Variants in CAST observed in about 807,000 individuals in gnomAD.
The protein encoded by CAST is calpastatin, also known as MIR583 host.
A neutral mutation model predicts 119.6 loss-of-function variants in CAST; 76 were observed. That is an observed-to-expected ratio of 0.64 (90% CI 0.53 to 0.77). The LOEUF is 0.77. CAST is among the 30% of genes least tolerant of loss of function. CAST has a pLI of 0.00. For synonymous variants in CAST, 319 were observed against 331.6 expected, an observed-to-expected ratio of 0.96 and a Z score of 0.41; for missense variants, 953 against 946.5, an observed-to-expected ratio of 1.01 and a Z score of -0.09.
chr5:96,615,869 A>G (rs1293150497), intron 1 of CAST, among the ~76,000 whole-genome samples: 1 of 152,154 alleles, frequency 6.6e-6, no homozygotes, highest in East Asian at 1.9e-4. Context: ...ATTAACTCAC[A>G]TGGTCACAAG....
chr5:96,213,637 A>T, the CAST span: 18 of 152,098 alleles, frequency 1.2e-4, no homozygotes, highest in African/African-American at 4.3e-4. Context: ...AATTATATAC[A>T]TATATAAGCT....
rs541216796 is a variant in CAST, at chr5:96,748,825, G to A, written c.1428+212G>A. On this transcript the variant is annotated intron_variant, in intron 19 of 31. Transcript: ENST00000675179. ...ATTGAAGTCCTGCAATGACTCCTTC[G>A]GAAAGCTCTGGAACCCATGCCTTCC... is the stretch of plus-strand genomic sequence containing the variant. 3.5e-5 allele frequency: 15 copies of A among 432,078 alleles called. 1 individual carries two copies. The highest frequency in any genetic ancestry group is 1.6e-4 in the East Asian group (4 of 24,304). 26.8% of individuals were successfully genotyped at this position (432,078 alleles called of 1,614,324 possible). A position where few individuals can be genotyped will look rare whatever the true frequency, so the allele number is the denominator to read the frequency against.
chr5:96,130,467 G>A, the CAST span, among the ~76,000 whole-genome samples: 1 of 149,652 alleles, frequency 6.7e-6, no homozygotes. Context: ...AAAAACCTAA[G>A]GATATTATCT....
At chr5:96,416,011 T>C in the CAST span, 4 of 1,473,092 alleles carry the variant, frequency 2.7e-6, no homozygotes, top group South Asian at 1.1e-5. Context: ...TGCCAAGCTA[T>C]AGGGACAATC....
chr5:96,272,553 A>C, the CAST span, among the ~76,000 whole-genome samples: 4 of 152,174 alleles, frequency 2.6e-5, no homozygotes, highest in African/African-American at 7.2e-5. Flanking sequence ...AAAAAAGTGG[A>C]TCTCATGAAG....
chr5:96,631,428 A>G (rs1028851672), intron 1 of CAST, among the ~76,000 whole-genome samples: 2 of 140,994 alleles, frequency 1.4e-5, no homozygotes, highest in Non-Finnish European at 3.2e-5. Flanking sequence ...TGTAGCATGT[A>G]TCAGTACTTT....
chr5:96,292,613 A>T, the CAST span, among the ~76,000 whole-genome samples: 1 of 152,216 alleles, frequency 6.6e-6, no homozygotes, highest in Non-Finnish European at 1.5e-5. Context: ...CAAGGTGATT[A>T]TGTTGATTTT....
intron 29 of CAST, 113 bp downstream of exon 29, chr5:96,768,112 CT>C: frequency 1.3e-6 from 1 of 761,486 alleles, no homozygotes; most frequent in Non-Finnish European, 2.3e-6. Flanking sequence ...GTAACAGGGT[CT>C]TACTCTATAG....
the CAST span, among the ~76,000 whole-genome samples, chr5:96,174,380 G>C: frequency 6.6e-6 from 1 of 152,196 alleles, no homozygotes; most frequent in African/African-American, 2.4e-5. Flanking sequence ...ACAGATATTT[G>C]TTGAGTAGCT....
At chr5:96,202,135 A>G in the CAST span, among the ~76,000 whole-genome samples, 1 of 152,158 alleles carries the variant, frequency 6.6e-6, no homozygotes, top group East Asian at 1.9e-4. Context: ...AATACAACCA[A>G]TGATATCAGG....
At chr5:96,211,346 G>T in the CAST span, among the ~76,000 whole-genome samples, 1 of 151,856 alleles carries the variant, frequency 6.6e-6, no homozygotes, top group Non-Finnish European at 1.5e-5. Context: ...AGAGCTTTTG[G>T]TATGAATTAG....
At chr5:96,430,413 G>A in the CAST span, among the ~76,000 whole-genome samples, 7 of 152,162 alleles carry the variant, frequency 4.6e-5, no homozygotes, top group Non-Finnish European at 1.0e-4. Flanking sequence ...AAATAGAGAA[G>A]CTTAGGCCCT....
chr5:96,565,422 AAGT>A (rs1478411469), intron 1 of CAST, among the ~76,000 whole-genome samples: 2 of 152,204 alleles, frequency 1.3e-5, no homozygotes, highest in Non-Finnish European at 2.9e-5. Flanking sequence ...AAGATAAAAC[AAGT>A]AGTACATCAC....
the CAST span, among the ~76,000 whole-genome samples, chr5:95,981,539 C>G: frequency 6.6e-6 from 1 of 152,134 alleles, no homozygotes; most frequent in South Asian, 2.1e-4. Flanking sequence ...TTCCAAGTTC[C>G]CAACTGATGC....
At chr5:96,457,465 T>C in the CAST span, among the ~76,000 whole-genome samples, 16 of 152,156 alleles carry the variant, frequency 1.1e-4, no homozygotes, top group Non-Finnish European at 1.6e-4. Flanking sequence ...GCTCTTAGAT[T>C]GACTAACGAG....
chr5:96,159,478 A>G, the CAST span, among the ~76,000 whole-genome samples: 2 of 152,230 alleles, frequency 1.3e-5, no homozygotes, highest in African/African-American at 4.8e-5. Flanking sequence ...ACGATGTACA[A>G]AGAAAAAGCT....
At chr5:96,665,333 T>G (rs556011009) in intron 1 of CAST, among the ~76,000 whole-genome samples, 25 of 152,356 alleles carry the variant, frequency 1.6e-4, no homozygotes, top group Admixed American at 7.2e-4. Context: ...ATATTATTAT[T>G]TCATCATGTA....
intron 1 of CAST, among the ~76,000 whole-genome samples, chr5:96,631,956 C>A (rs1747825281): frequency 6.6e-6 from 1 of 152,116 alleles, no homozygotes; most frequent in Non-Finnish European, 1.5e-5. Context: ...ATTTTACAGT[C>A]CTACCTGCAA....
At chr5:96,493,547 T>C in the CAST span, among the ~76,000 whole-genome samples, 1 of 152,184 alleles carries the variant, frequency 6.6e-6, no homozygotes, top group African/African-American at 2.4e-5. Context: ...AACCAGTATG[T>C]ATCCCCACCA....
Sources: gnomAD v4.1 joint callset for allele counts (sites outside exome capture counted in the v4.1 genomes callset) on GRCh38, gnomAD v4.1.1 for gene constraint, MANE v1.5 for transcripts, NCBI Gene and HGNC (gene_info 2026-07-23, HGNC 2026-07-21) for gene names.